EPB41L1: variants seen among roughly 807,000 people sequenced by gnomAD.
The protein encoded by EPB41L1 is band 4.1-like protein 1.
Under a neutral mutation model 97.8 loss-of-function variants are expected in EPB41L1, and 29 were observed. The observed-to-expected ratio is 0.30, with a 90% CI of 0.22 to 0.40. The LOEUF is 0.40. Ranked by LOEUF, EPB41L1 falls within the 10% of genes least tolerant of loss-of-function variation. The pLI, the probability that EPB41L1 is intolerant of heterozygous loss-of-function variation, is 1.00. For synonymous variants in EPB41L1, 383 were observed against 459.2 expected (o/e 0.83, Z 2.12); for missense variants, 812 against 1,162.3 (o/e 0.70, Z 4.38).
Position 36,190,161 on chromosome 20 carries a change from T to C in EPB41L1, c.1027-116T>C. 1 of 845,574 alleles carries C rather than the reference T, an allele frequency of 1.2e-6. No individual in the cohort carries two copies. The highest frequency in any genetic ancestry group is 2.0e-6 in the Non-Finnish European group (1 of 510,984). 52.4% of individuals were successfully genotyped at this position (845,574 alleles called of 1,614,324 possible). Reference sequence around the variant, plus strand: ...ACTGTACTCCACCCTGGGCAAATGATCGAGACCCTGTGTCTCAAAAAAACA... The same window carrying C: ...ACTGTACTCCACCCTGGGCAAATGACCGAGACCCTGTGTCTCAAAAAAACA... On this transcript the variant is annotated intron_variant, in intron 9 of 21. Coordinates refer to ENST00000338074, the MANE Select transcript of EPB41L1 (RefSeq NM_012156.2). The surrounding 1 kb of genome is among the most constrained non-coding windows in gnomAD (Gnocchi z 5.8).
In EPB41L1 at chr20:36,093,767, A is replaced by G. The variant is rs1196559562; in HGVS notation, c.-65+2155A>G. ...TGGGTGCGGGGTGGTGGTGGTAGCA[A>G]CAGCAGTTTCCAGGCTGGTGACCAG... On this transcript the variant is annotated intron_variant, in intron 1 of 19. Coordinates refer to the EPB41L1 transcript ENST00000202028. This position sits in a 1 kb window ranked among gnomAD's most constrained non-coding sequence, Gnocchi z 5.4. Among the ~76,000 whole-genome samples the G allele has an allele frequency of 6.6e-6, 1 of 151,972 alleles. No individual in the cohort carries two copies. Among genetic ancestry groups the G allele is most frequent in the African/African-American group, 2.4e-5 (1 of 41,372 alleles).
At chr20:36,133,366 C>T (rs533882626) in intron 2 of EPB41L1, among the ~76,000 whole-genome samples, 1 of 152,362 alleles carries the variant, frequency 6.6e-6, no homozygotes, top group East Asian at 1.9e-4. Context: ...TTCTAGTTCA[C>T]CCCTCTCATT....
At chr20:36,192,095 A>G (rs939589848) in intron 11 of EPB41L1, among the ~76,000 whole-genome samples, 2 of 152,060 alleles carry the variant, frequency 1.3e-5, no homozygotes, top group South Asian at 2.1e-4. Context: ...GCGTGGTGGC[A>G]TGCACCTGTA....
chr20:36,092,556 C>A lies in EPB41L1; in HGVS notation c.-65+944C>A, dbSNP rs1020854419. ...CCGCCGCTGCTTGCTCGTTCGCCCG[C>A]CCGCTGCTGCTTGGGGGGCCGGGAT... On this transcript the variant is annotated intron_variant, in intron 1 of 19. Coordinates refer to the EPB41L1 transcript ENST00000202028. This position sits in a 1 kb window ranked among gnomAD's most constrained non-coding sequence, Gnocchi z 7.0. 6 of 151,998 alleles carry A rather than the reference C, an allele frequency of 3.9e-5. No homozygotes were observed. The highest frequency in any genetic ancestry group is 1.4e-4 in the African/African-American group (6 of 41,398). 9.4% of individuals were successfully genotyped at this position (151,998 alleles called of 1,614,324 possible). A position where few individuals can be genotyped will look rare whatever the true frequency, so the allele number is the denominator to read the frequency against.
intron 1 of EPB41L1, 64 bp from the exon 2 acceptor site, chr20:36,173,700 C>A: frequency 6.8e-7 from 1 of 1,464,036 alleles, no homozygotes; most frequent in Non-Finnish European, 9.6e-7. Flanking sequence ...GTGGTTCCTG[C>A]CCCTCTCGCT....
intron 1 of EPB41L1, among the ~76,000 whole-genome samples, chr20:36,169,636 C>G (rs1391726753): frequency 1.3e-5 from 2 of 152,226 alleles, no homozygotes; most frequent in East Asian, 1.9e-4. Context: ...CCCTGCCCAA[C>G]CCCCTTCTTC....
intron 2 of EPB41L1, among the ~76,000 whole-genome samples, chr20:36,130,737 C>T (rs1378904989): frequency 2.0e-5 from 3 of 150,874 alleles, no homozygotes; most frequent in African/African-American, 7.4e-5. Flanking sequence ...GGGTGAATGG[C>T]AGGAACTGTT....
At position 36,195,270 on chromosome 20, in the gene EPB41L1, C is replaced by T; in HGVS notation, c.1450-59C>T. 3.1e-6 allele frequency: 5 copies of T among 1,607,840 alleles called. No homozygotes were observed. The highest frequency in any genetic ancestry group is 4.3e-6 in the Non-Finnish European group (5 of 1,174,540). ...CTGGACCAAGCCCATCGTGGTATCT[C>T]TAATCCATCTGCTCTACTGACCCTG... On this transcript the variant is annotated intron_variant, in intron 12 of 21. Coordinates refer to ENST00000338074, the MANE Select transcript of EPB41L1 (RefSeq NM_012156.2). This position sits in a 1 kb window ranked among gnomAD's most constrained non-coding sequence, Gnocchi z 4.6.
chr20:36,125,716 T>C (rs754079968), intron 2 of EPB41L1, among the ~76,000 whole-genome samples: 2 of 152,152 alleles, frequency 1.3e-5, no homozygotes, highest in African/African-American at 4.8e-5. Flanking sequence ...GAGCTGGCAC[T>C]TTATCTGGAG....
intron 2 of EPB41L1, among the ~76,000 whole-genome samples, chr20:36,125,113 A>T (rs1013948851): frequency 2.0e-5 from 3 of 152,086 alleles, no homozygotes; most frequent in African/African-American, 7.2e-5. Context: ...TGCGTACTCA[A>T]GGGGCTGTGC....
In EPB41L1 at chr20:36,175,670, C is replaced by A. The variant is rs540713849; in HGVS notation, c.297C>A (p.Cys99Ter). ...CCAAGAAATACAAGAGTGCCATCTGCCGGGTCACTCTGCTTGATGCCTCGG... is the reference window on the plus strand; with the variant it reads ...CCAAGAAATACAAGAGTGCCATCTGACGGGTCACTCTGCTTGATGCCTCGG... ...KIAKKYKSAI[C>*]RVTLLDASEY... The change falls in exon 3 of 22, where the codon TGC (cysteine) becomes TGA (stop). Residue 99 changes from cysteine to a stop codon, truncating the protein, a stop_gained. Coordinates refer to ENST00000338074, the MANE Select transcript of EPB41L1 (RefSeq NM_012156.2). LOFTEE classifies it high-confidence loss of function. 6.2e-7 allele frequency: 1 copy of A among 1,614,126 alleles called. No homozygotes were observed. The highest frequency in any genetic ancestry group is 2.2e-5 in the East Asian group (1 of 44,868).
intron 20 of EPB41L1, 94 bp downstream of exon 20, chr20:36,222,038 G>C (rs563399178): frequency 1.2e-4 from 161 of 1,332,192 alleles, no homozygotes; most frequent in Non-Finnish European, 1.6e-4. Context: ...CTCATGGGCA[G>C]AGAAGGTGTC....
At position 36,209,320 on chromosome 20, in the gene EPB41L1, A is replaced by G. The variant is rs996892632; in HGVS notation, c.1669-168A>G. 2.0e-5 allele frequency among the ~76,000 whole-genome samples: 3 copies of G among 147,128 alleles called. No homozygotes were observed. The highest frequency in any genetic ancestry group is 2.3e-4 in the East Asian group (1 of 4,408). ...CGTTTTTGTTTTTTTTATGCTTGTT[A>G]TGATTTCAAGGAACCTTTCCTGGGG... On this transcript the variant is annotated intron_variant, in intron 14 of 21. Transcript: ENST00000338074. The surrounding 1 kb of genome is among the most constrained non-coding windows in gnomAD (Gnocchi z 4.2).
chr20:36,190,849 G>T lies in EPB41L1; in HGVS notation c.1300+52G>T, dbSNP rs769717041. On this transcript the variant is annotated intron_variant, in intron 11 of 21. Coordinates refer to ENST00000338074, the MANE Select transcript of EPB41L1 (RefSeq NM_012156.2). The surrounding 1 kb of genome is among the most constrained non-coding windows in gnomAD (Gnocchi z 5.8). Reference sequence around the variant, plus strand: ...GGGGAATGGTCTTCAGAGGGAACTGGGGGAGTGGGCATGCTGGGTTCTGCA... The same window carrying T: ...GGGGAATGGTCTTCAGAGGGAACTGTGGGAGTGGGCATGCTGGGTTCTGCA... The T allele has an allele frequency of 5.0e-6, 8 of 1,602,852 alleles. No homozygotes were observed. Among genetic ancestry groups the T allele is most frequent in the South Asian group, 4.4e-5 (4 of 90,584 alleles).
At chr20:36,224,120 T>G (rs2063957296) in intron 21 of EPB41L1, among the ~76,000 whole-genome samples, 1 of 152,226 alleles carries the variant, frequency 6.6e-6, no homozygotes, top group Admixed American at 6.5e-5. Context: ...CAGAACTTTC[T>G]GCAGTGATGG....
intron 7 of EPB41L1, 108 bp from the exon 8 acceptor site, chr20:36,187,568 C>A: frequency 1.1e-6 from 1 of 873,826 alleles, no homozygotes; most frequent in Non-Finnish European, 1.9e-6. Flanking sequence ...TGAGGCTCAG[C>A]ATATTTGACT....
At chr20:36,178,151 T>A in intron 4 of EPB41L1, 95 bp downstream of exon 4, 1 of 923,766 alleles carries the variant, frequency 1.1e-6, no homozygotes, top group Non-Finnish European at 1.8e-6. Flanking sequence ...CTCAAATCAT[T>A]AAGCATCTTC....
At chr20:36,182,087 G>A (rs1240052781) in intron 5 of EPB41L1, among the ~76,000 whole-genome samples, 185 bp from the exon 6 acceptor site, 3 of 152,088 alleles carry the variant, frequency 2.0e-5, no homozygotes, top group East Asian at 1.9e-4. Context: ...GCTAGCTCAC[G>A]AGTCTCTTAA....
chr20:36,100,633 A>G (rs943097685), intron 1 of EPB41L1, among the ~76,000 whole-genome samples: 1 of 152,234 alleles, frequency 6.6e-6, no homozygotes, highest in African/African-American at 2.4e-5. Context: ...AGGCCTACGC[A>G]GTCCTCAGCC....
Sources: gnomAD v4.1 joint callset for allele counts (sites outside exome capture counted in the v4.1 genomes callset) on GRCh38, gnomAD v4.1.1 for gene constraint, Gnocchi (gnomAD v3.1) non-coding constraint, MANE v1.5 for transcripts, NCBI Gene and HGNC (gene_info 2026-07-23, HGNC 2026-07-21) for gene names.